Variants in MYO3A observed in about 807,000 individuals in gnomAD.
The protein encoded by MYO3A is myosin IIIA.
In MYO3A, 180 loss-of-function variants were observed where a neutral mutation model predicts 192.7. That is an observed-to-expected ratio of 0.93 (90% CI 0.83 to 1.06). The LOEUF (loss-of-function observed/expected upper bound fraction) is 1.06, where lower values mean the gene tolerates loss of function less well. Ranked by LOEUF, MYO3A falls within the 50% of genes least tolerant of loss-of-function variation. The pLI is 0.00. For missense variants in MYO3A, 1,896 were observed against 1,905.0 expected, an observed-to-expected ratio of 1.00 and a Z score of 0.09; for synonymous variants, 628 against 645.3, an observed-to-expected ratio of 0.97 and a Z score of 0.41.
rs998967624 is a variant in MYO3A, at chr10:26,075,868, A to G, written c.1359+5467A>G. Among the ~76,000 whole-genome samples, 9 of 150,744 alleles carry G rather than the reference A, an allele frequency of 6.0e-5. 1 individual carries two copies. The highest frequency in any genetic ancestry group is 1.9e-4 in the African/African-American group (8 of 41,080). On this transcript the variant is annotated intron_variant, in intron 14 of 34. Coordinates refer to ENST00000642920, the MANE Select transcript of MYO3A (RefSeq NM_017433.5). ...GTCTCTCTCATATATATCTATATGTATCTCACAGTTTCTTTATCCACTCAT... is the reference window on the plus strand; with the variant it reads ...GTCTCTCTCATATATATCTATATGTGTCTCACAGTTTCTTTATCCACTCAT...
chr10:25,979,425 A>G (rs867799546), intron 4 of MYO3A, among the ~76,000 whole-genome samples: 2 of 151,340 alleles, frequency 1.3e-5, no homozygotes, highest in African/African-American at 4.9e-5. Context: ...AAAAAAAAAA[A>G]GAAAACAGTG....
At chr10:26,090,975 C>T (rs1341992673) in intron 15 of MYO3A, among the ~76,000 whole-genome samples, 2 of 152,224 alleles carry the variant, frequency 1.3e-5, no homozygotes, top group East Asian at 1.9e-4. Context: ...TAATGGGACA[C>T]AGCCAGTCAG....
intron 34 of MYO3A, among the ~76,000 whole-genome samples, chr10:26,205,885 CTGGGATTACAGGCG>C (rs1843909979): frequency 1.3e-5 from 2 of 151,990 alleles, no homozygotes; most frequent in South Asian, 4.2e-4. Context: ...TCCCAAAATG[CTGGGATTACAGGCG>C]TGAGCCACCG....
At chr10:25,940,520 A>G (rs1413983833) in intron 2 of MYO3A, among the ~76,000 whole-genome samples, 2 of 152,128 alleles carry the variant, frequency 1.3e-5, no homozygotes, top group East Asian at 1.9e-4. Context: ...GTATCCTACA[A>G]TTATATAACA....
intron 18 of MYO3A, among the ~76,000 whole-genome samples, chr10:26,121,027 T>A (rs1838831385): frequency 6.6e-6 from 1 of 152,088 alleles, no homozygotes; most frequent in African/African-American, 2.4e-5. Flanking sequence ...AAGACTAGGC[T>A]TTTACAACTA....
intron 1 of MYO3A, among the ~76,000 whole-genome samples, chr10:25,935,336 T>C (rs1007635470): frequency 6.6e-6 from 1 of 152,184 alleles, no homozygotes; most frequent in African/African-American, 2.4e-5. Context: ...AAAAAAAATT[T>C]TATTATTGTT....
intron 23 of MYO3A, among the ~76,000 whole-genome samples, 188 bp downstream of exon 23, chr10:26,147,747 A>G (rs1156653262): frequency 1.6e-4 from 24 of 152,188 alleles, no homozygotes; most frequent in Non-Finnish European, 4.4e-5. Flanking sequence ...TAAATAAGCT[A>G]GTTTTTCATT....
intron 31 of MYO3A, among the ~76,000 whole-genome samples, chr10:26,191,641 A>C (rs1209704666): frequency 6.6e-6 from 1 of 152,194 alleles, no homozygotes; most frequent in Non-Finnish European, 1.5e-5. Flanking sequence ...GACATTTCCC[A>C]TACCTTTTGG....
intron 14 of MYO3A, among the ~76,000 whole-genome samples, chr10:26,073,193 CAGCCTGGGTGACAGAACA>C (rs1835316486): frequency 6.6e-6 from 1 of 152,176 alleles, no homozygotes; most frequent in Non-Finnish European, 1.5e-5. Flanking sequence ...CACCGCACTC[CAGCCTGGGTGACAGAACA>C]AGACCCTGTC....
At chr10:26,016,919 A>G in intron 7 of MYO3A, 23 bp downstream of exon 7, 1 of 1,604,762 alleles carries the variant, frequency 6.2e-7, no homozygotes, top group South Asian at 1.1e-5. Context: ...TTTGAGGCAG[A>G]CAAACGTAAT....
At chr10:26,146,481 G>A (rs1355447031) in intron 22 of MYO3A, among the ~76,000 whole-genome samples, 2 of 152,130 alleles carry the variant, frequency 1.3e-5, no homozygotes, top group Non-Finnish European at 2.9e-5. Context: ...GCTCTAAGTG[G>A]GGTTAGCATC....
At position 26,176,810 on chromosome 10, in the gene MYO3A, T is replaced by C; in HGVS notation, c.4403T>C (p.Ile1468Thr). ...CTGGGTGTCTCGCACCATAAGCCAA[T>C]TAATAGACGAGTTTCTTCTCAGCAG... ...LYLGVSHHKP[I>T]NRRVSSQQCL... The change falls in exon 31 of 35, where the codon ATT becomes ACT. Residue 1468 changes from isoleucine (I) to threonine (T), a missense_variant. Ile to Thr is a moderately conservative substitution (Grantham distance 89). Coordinates refer to ENST00000642920, the MANE Select transcript of MYO3A (RefSeq NM_017433.5). 6.2e-7 allele frequency: 1 copy of C among 1,614,170 alleles called. No individual in the cohort carries two copies. The highest frequency in any genetic ancestry group is 8.5e-7 in the Non-Finnish European group (1 of 1,180,008).
At chr10:25,942,161 C>G (rs1216722461) in intron 2 of MYO3A, among the ~76,000 whole-genome samples, 2 of 152,086 alleles carry the variant, frequency 1.3e-5, no homozygotes, top group African/African-American at 4.8e-5. Context: ...GCCATCACAC[C>G]TGGCTGATTT....
In MYO3A at chr10:26,024,006, A is replaced by G. The variant is rs879377183; in HGVS notation, c.732-16A>G. Reference sequence around the variant, plus strand: ...GACCAATATACAGAATCCAACATTGATTCTTATTTTTCTAGGAATCCACCC... The same window carrying G: ...GACCAATATACAGAATCCAACATTGGTTCTTATTTTTCTAGGAATCCACCC... On this transcript the variant is annotated splice_polypyrimidine_tract_variant and intron_variant, in intron 8 of 34. Transcript: ENST00000642920. 4 of 1,607,792 alleles carry G rather than the reference A, an allele frequency of 2.5e-6. No homozygotes were observed. The highest frequency in any genetic ancestry group is 2.6e-6 in the Non-Finnish European group (3 of 1,174,636).
chr10:26,104,425 A>G (rs12573080), intron 17 of MYO3A, among the ~76,000 whole-genome samples: 97,023 of 151,922 alleles, frequency 0.64, 31,648 homozygotes, highest in Middle Eastern at 0.74. Flanking sequence ...TCAGTGTACC[A>G]GCACCATTGT....
At chr10:25,978,853 G>C (rs529699703) in intron 4 of MYO3A, among the ~76,000 whole-genome samples, 22 of 152,174 alleles carry the variant, frequency 1.4e-4, no homozygotes, top group African/African-American at 4.6e-4. Flanking sequence ...TTTTCAGAAA[G>C]ATTTGCATAT....
intron 7 of MYO3A, among the ~76,000 whole-genome samples, chr10:26,018,289 G>T (rs924302230): frequency 4.0e-5 from 6 of 151,528 alleles, no homozygotes; most frequent in African/African-American, 4.9e-5. Context: ...ATACATGTTT[G>T]AGATTTTGTT....
chr10:26,079,544 T>C (rs1835793165), intron 14 of MYO3A, among the ~76,000 whole-genome samples: 1 of 152,304 alleles, frequency 6.6e-6, no homozygotes, highest in Non-Finnish European at 1.5e-5. Context: ...ATCATGCTGT[T>C]TGTTGCTCGT....
chr10:26,178,552 CAAA>C (rs764277960), intron 31 of MYO3A, among the ~76,000 whole-genome samples: 1 of 101,672 alleles, frequency 9.8e-6, no homozygotes, highest in Non-Finnish European at 2.1e-5. Context: ...GACTCTGTCT[CAAA>C]AAAAAAAAAA....
Sources: gnomAD v4.1 joint callset for allele counts (sites outside exome capture counted in the v4.1 genomes callset) on GRCh38, gnomAD v4.1.1 for gene constraint, MANE v1.5 for transcripts, NCBI Gene and HGNC (gene_info 2026-07-23, HGNC 2026-07-21) for gene names.